The following EDA variants were observed in gnomAD, a reference collection of about 807,000 sequenced individuals.
The protein encoded by EDA is ectodysplasin A, also known as ectodysplasin-A.
EDA carries 2 observed loss-of-function variants against 23.6 expected under a neutral mutation model. That is an observed-to-expected ratio of 0.08 (90% CI 0.03 to 0.27). EDA has a LOEUF of 0.27. EDA is among the 10% of genes least tolerant of loss of function. The probability of loss-of-function intolerance (pLI) is 1.00; values close to 1 mark genes in which losing one functional copy is unlikely to be tolerated. For synonymous variants in EDA, 131 were observed against 132.0 expected (o/e 0.99, Z 0.05); for missense variants, 229 against 324.2 (o/e 0.71, Z 2.26).
At chrX:69,701,246 A>G (rs2011524791) in intron 1 of EDA, among the ~76,000 whole-genome samples, 1 of 111,222 alleles carries the variant, frequency 9.0e-6, no homozygotes, top group South Asian at 3.8e-4. Flanking sequence ...AGATCTCAGT[A>G]GGAGGTTTTG....
chrX:69,824,605 C>A (rs1365252563), intron 1 of EDA, among the ~76,000 whole-genome samples: 3 of 104,146 alleles, frequency 2.9e-5, no homozygotes, highest in East Asian at 6.3e-4. Context: ...TGGGCTGAGA[C>A]AATGGGGTTT....
rs191265989 is a variant in EDA at position 69,803,664 on chromosome X, G to A, written c.397-153363G>A. 1.6e-4 allele frequency among the ~76,000 whole-genome samples: 18 copies of A among 110,560 alleles called. No homozygotes were observed. The East Asian group carries it at 4.6e-3, about 28-fold the overall frequency. On this transcript the variant is annotated intron_variant, in intron 1 of 7. Coordinates refer to ENST00000374552, the MANE Select transcript of EDA (RefSeq NM_001399.5). ...CAAACATTTATTATTTCTTTGTTTT[G>A]GAAGCATTCAGTAGCCTCCCTTTAG... is the stretch of plus-strand genomic sequence containing the variant.
intron 2 of EDA, among the ~76,000 whole-genome samples, chrX:69,989,652 C>A (rs1037754388): frequency 8.1e-5 from 9 of 110,995 alleles, no homozygotes; most frequent in African/African-American, 2.9e-4. Flanking sequence ...TATATATAAT[C>A]TCAGCAAAGA....
rs2016776310 is a variant in EDA at position 69,836,418 on chromosome X, T to C, written c.397-120609T>C. On this transcript the variant is annotated intron_variant, in intron 1 of 7. Transcript: ENST00000374552. Reference sequence around the variant, plus strand: ...GTTCAAGCTTCCAGACCACTTTGTTTACCTACTCAAGCCTCAGCAATGGCA... The same window carrying C: ...GTTCAAGCTTCCAGACCACTTTGTTCACCTACTCAAGCCTCAGCAATGGCA... 2.7e-5 allele frequency among the ~76,000 whole-genome samples: 3 copies of C among 112,348 alleles called. No homozygotes were observed. In the Admixed American group the frequency reaches 2.8e-4, roughly 11 times the overall value.
At chrX:69,892,674 AT>A (rs933727494) in intron 1 of EDA, among the ~76,000 whole-genome samples, 1 of 112,073 alleles carries the variant, frequency 8.9e-6, no homozygotes, top group East Asian at 2.8e-4. Context: ...AGTTTCCCCT[AT>A]TTTTTAAAGG....
intron 6 of EDA, among the ~76,000 whole-genome samples, chrX:70,032,970 G>A (rs1453150239): frequency 3.5e-5 from 4 of 112,895 alleles, no homozygotes; most frequent in Non-Finnish European, 7.5e-5. Context: ...TATGAGATGA[G>A]AGGGATTCAG....
At chrX:69,916,433 C>T (rs1322431785) in intron 1 of EDA, among the ~76,000 whole-genome samples, 1 of 81,433 alleles carries the variant, frequency 1.2e-5, no homozygotes, top group African/African-American at 4.9e-5. Flanking sequence ...GACGGAGTCT[C>T]ACTCTGTCAC....
chrX:69,755,403 C>G (rs1055547554), intron 1 of EDA, among the ~76,000 whole-genome samples: 10 of 111,557 alleles, frequency 9.0e-5, no homozygotes, highest in African/African-American at 3.3e-4. Flanking sequence ...GAAAATGTTG[C>G]TGCCTGATCC....
chrX:69,940,942 G>C (rs1189054946), intron 1 of EDA, among the ~76,000 whole-genome samples: 2 of 111,539 alleles, frequency 1.8e-5, no homozygotes, highest in Non-Finnish European at 3.8e-5. Flanking sequence ...TGCTTTCACT[G>C]TATCCCATAG....
intron 1 of EDA, among the ~76,000 whole-genome samples, chrX:69,812,738 A>G (rs1008354717): frequency 9.8e-5 from 11 of 111,741 alleles, no homozygotes; most frequent in Non-Finnish European, 1.9e-4. Context: ...TAAATGGAGA[A>G]CAACCATGTT....
intron 1 of EDA, among the ~76,000 whole-genome samples, chrX:69,721,039 C>A (rs191313792): frequency 8.9e-6 from 1 of 112,195 alleles, no homozygotes; most frequent in African/African-American, 3.2e-5. Flanking sequence ...TGTGGGCCTA[C>A]TTTTGTGGGT....
chrX:69,959,354 A>AT (rs754166548), intron 2 of EDA, among the ~76,000 whole-genome samples: 1 of 111,449 alleles, frequency 9.0e-6, no homozygotes, highest in East Asian at 2.8e-4. Context: ...GGGTCCTTGA[A>AT]TTTTATTAGA....
chrX:69,936,483 C>G (rs139396268), intron 1 of EDA, among the ~76,000 whole-genome samples: 137 of 111,871 alleles, frequency 1.2e-3, no homozygotes, highest in African/African-American at 4.4e-3. Context: ...TGTACAGAAA[C>G]AGCAGTTACT....
At chrX:69,672,921 C>G (rs905618281) in intron 1 of EDA, among the ~76,000 whole-genome samples, 4 of 109,206 alleles carry the variant, frequency 3.7e-5, no homozygotes, top group Admixed American at 9.7e-5. Flanking sequence ...AAAAGAAAAC[C>G]ACAGCAAGAT....
chrX:69,807,072 C>G (rs1028079853), intron 1 of EDA, among the ~76,000 whole-genome samples: 3 of 110,375 alleles, frequency 2.7e-5, no homozygotes, highest in African/African-American at 6.6e-5. Context: ...TAGTTATATA[C>G]CATCCACATT....
chrX:69,836,691 G>C (rs191593324), intron 1 of EDA, among the ~76,000 whole-genome samples: 2 of 112,642 alleles, frequency 1.8e-5, no homozygotes, highest in Admixed American at 1.9e-4. Context: ...GCACTTCCCA[G>C]TTGAGGCGAT....
At chrX:69,685,110 C>T (rs1934499780) in intron 1 of EDA, among the ~76,000 whole-genome samples, 2 of 112,133 alleles carry the variant, frequency 1.8e-5, no homozygotes, top group Admixed American at 1.9e-4. Context: ...ATTCTGAAAA[C>T]TTTCATCTTC....
chrX:69,851,841 A>G (rs1370697026), intron 1 of EDA, among the ~76,000 whole-genome samples: 1 of 111,687 alleles, frequency 9.0e-6, no homozygotes, highest in Non-Finnish European at 1.9e-5. Context: ...CACATCCCAT[A>G]TCTACTGAAT....
intron 1 of EDA, among the ~76,000 whole-genome samples, chrX:69,938,675 C>A (rs1480727377): frequency 9.0e-6 from 1 of 111,433 alleles, no homozygotes; most frequent in Admixed American, 9.5e-5. Context: ...AAATTTTTGC[C>A]CAGTCCAATT....
Sources: allele counts gnomAD v4.1 joint callset (sites outside exome capture counted in the v4.1 genomes callset), GRCh38; gene constraint gnomAD v4.1.1; transcripts MANE v1.5; gene names NCBI Gene and HGNC (gene_info 2026-07-23, HGNC 2026-07-21).